OSBP2: variants seen among roughly 807,000 people sequenced by gnomAD.
OSBP2 encodes oxysterol-binding protein 2.
OSBP2 carries 66 observed loss-of-function variants against 96.0 expected under a neutral mutation model. The ratio of observed to expected loss-of-function variants is 0.69; its 90% CI spans 0.56 to 0.84. The LOEUF (loss-of-function observed/expected upper bound fraction) is 0.84, where lower values mean the gene tolerates loss of function less well. Ranked by LOEUF, OSBP2 falls within the 40% of genes least tolerant of loss-of-function variation. The pLI, the probability that OSBP2 is intolerant of heterozygous loss-of-function variation, is 0.00. For synonymous variants in OSBP2, 525 were observed against 520.9 expected, an observed-to-expected ratio of 1.01 and a Z score of -0.11; for missense variants, 1,038 against 1,222.7, an observed-to-expected ratio of 0.85 and a Z score of 2.25.
At chr22:30,815,455 G>A (rs576643514) in intron 2 of OSBP2, among the ~76,000 whole-genome samples, 24 of 152,262 alleles carry the variant, frequency 1.6e-4, no homozygotes, top group African/African-American at 5.1e-4. Context: ...AAAGGGTTTC[G>A]CATAATAATT....
At chr22:30,852,661 A>G (rs560659345) in intron 2 of OSBP2, among the ~76,000 whole-genome samples, 1 of 151,888 alleles carries the variant, frequency 6.6e-6, no homozygotes, top group East Asian at 1.9e-4. Context: ...TCTCTATTTT[A>G]TTCTACTCAC....
chr22:30,789,433 C>A (rs1356511151), intron 2 of OSBP2, among the ~76,000 whole-genome samples: 1 of 152,184 alleles, frequency 6.6e-6, no homozygotes, highest in Non-Finnish European at 1.5e-5. Flanking sequence ...GGGCTCCGGT[C>A]TGCTTTCTCT....
intron 2 of OSBP2, among the ~76,000 whole-genome samples, chr22:30,759,263 G>A (rs1053924217): frequency 6.6e-6 from 1 of 152,104 alleles, no homozygotes; most frequent in Non-Finnish European, 1.5e-5. Flanking sequence ...CAGGAGAATC[G>A]CTTGAGCCTG....
At chr22:30,889,982 G>A (rs1189650759) in intron 7 of OSBP2, among the ~76,000 whole-genome samples, 1 of 152,102 alleles carries the variant, frequency 6.6e-6, no homozygotes, top group Admixed American at 6.5e-5. Context: ...TGTGTGGAGG[G>A]GTGGGCCCTC....
intron 8 of OSBP2, 51 bp downstream of exon 8, chr22:30,891,024 G>A (rs1405261724): frequency 3.5e-5 from 55 of 1,573,758 alleles, no homozygotes; most frequent in Non-Finnish European, 4.6e-5. Context: ...CTCTGGCCAA[G>A]CTGTTCCTGC....
rs555789581 is a variant in OSBP2 at position 30,721,715 on chromosome 22, A to G, written c.645-19446A>G. On this transcript the variant is annotated intron_variant, in intron 1 of 13. Transcript: ENST00000332585. Reference sequence around the variant, plus strand: ...GAAGCAAAATTCCTGAATAAATTGTATGTCTCACCATCAGATCTGTAAACT... The same window carrying G: ...GAAGCAAAATTCCTGAATAAATTGTGTGTCTCACCATCAGATCTGTAAACT... Among the ~76,000 whole-genome samples, 67 of 152,292 alleles carry G rather than the reference A, an allele frequency of 4.4e-4. 1 individual carries two copies. Among genetic ancestry groups the G allele is most frequent in the African/African-American group, 1.6e-3 (66 of 41,566 alleles).
intron 2 of OSBP2, among the ~76,000 whole-genome samples, chr22:30,769,075 G>A (rs1871210556): frequency 6.6e-6 from 1 of 152,262 alleles, no homozygotes; most frequent in Non-Finnish European, 1.5e-5. Flanking sequence ...TCATGGAAAG[G>A]TTGAGGCTGA....
At chr22:30,759,522 A>G (rs2090181957) in intron 2 of OSBP2, among the ~76,000 whole-genome samples, 1 of 152,206 alleles carries the variant, frequency 6.6e-6, no homozygotes, top group African/African-American at 2.4e-5. Context: ...CAAACATAAA[A>G]GGACAATACT....
chr22:30,804,889 CAA>C (rs2090905845), intron 2 of OSBP2, among the ~76,000 whole-genome samples: 3 of 152,150 alleles, frequency 2.0e-5, no homozygotes, highest in African/African-American at 7.2e-5. Flanking sequence ...AATGGCAGGG[CAA>C]CTAAGCAGTA....
At chr22:30,747,123 C>G (rs136350) in intron 2 of OSBP2, among the ~76,000 whole-genome samples, 9,075 of 152,250 alleles carry the variant, frequency 0.06, 285 homozygotes, top group Middle Eastern at 0.092. Context: ...ATTCAACACC[C>G]TTTCATGATG....
intron 1 of OSBP2, among the ~76,000 whole-genome samples, chr22:30,729,629 T>C (rs2089712615): frequency 6.6e-6 from 1 of 151,892 alleles, no homozygotes; most frequent in Non-Finnish European, 1.5e-5. Context: ...CAGAGAGAGA[T>C]TCTATCTCAA....
At chr22:30,730,060 T>G (rs920515761) in intron 1 of OSBP2, among the ~76,000 whole-genome samples, 4 of 152,040 alleles carry the variant, frequency 2.6e-5, no homozygotes, top group Non-Finnish European at 5.9e-5. Context: ...CCTCCCAGGT[T>G]CAAGCGATTC....
rs56875088 is a variant in OSBP2, at chr22:30,856,373, CTTTTTTT to C, written c.854-14032_854-14026del. 2.9e-3 allele frequency among the ~76,000 whole-genome samples: 299 copies of C among 101,404 alleles called. 1 individual carries two copies. The highest frequency in any genetic ancestry group is 0.011 in the Middle Eastern group (2 of 178). 66.5% of individuals were successfully genotyped at this position (101,404 alleles called of 152,430 possible). A position where few individuals can be genotyped will look rare whatever the true frequency, so the allele number is the denominator to read the frequency against. On this transcript the variant is annotated intron_variant, in intron 2 of 13. Transcript: ENST00000332585. The stretch of plus-strand genomic sequence containing the variant: ...CTTGGCAGTTGGAAACAGAGCCCTT[CTTTTTTT>C]TTTTTTTTTTTTTTTTTTTTTTTGG...
chr22:30,884,947 G>A (rs998231427), intron 3 of OSBP2, among the ~76,000 whole-genome samples: 15 of 152,252 alleles, frequency 9.9e-5, no homozygotes, highest in African/African-American at 3.6e-4. Context: ...GGGGCAGGCC[G>A]TTGCCTGGGA....
At chr22:30,842,023 G>A (rs1335649191) in intron 2 of OSBP2, among the ~76,000 whole-genome samples, 1 of 151,934 alleles carries the variant, frequency 6.6e-6, no homozygotes. Context: ...ACAGCTCACT[G>A]GAGCCTTCAC....
intron 3 of OSBP2, among the ~76,000 whole-genome samples, chr22:30,875,791 CT>C (rs2039565997): frequency 6.6e-6 from 1 of 152,256 alleles, no homozygotes. Flanking sequence ...CAACCCCTCT[CT>C]CATCACACAG....
chr22:30,842,863 T>C (rs2038782859), intron 2 of OSBP2, among the ~76,000 whole-genome samples: 1 of 152,180 alleles, frequency 6.6e-6, no homozygotes, highest in East Asian at 1.9e-4. Context: ...CACTGCAACC[T>C]CCATCTCCTG....
At chr22:30,829,532 G>T (rs1362671956) in intron 2 of OSBP2, among the ~76,000 whole-genome samples, 1 of 152,138 alleles carries the variant, frequency 6.6e-6, no homozygotes, top group Admixed American at 6.5e-5. Flanking sequence ...AACTCAAATG[G>T]TCTGCCTGCC....
intron 2 of OSBP2, among the ~76,000 whole-genome samples, chr22:30,767,217 G>A (rs1419107289): frequency 6.6e-6 from 1 of 151,448 alleles, no homozygotes; most frequent in Non-Finnish European, 1.5e-5. Context: ...GGCTGAGCCA[G>A]GAGAATTGCT....
Sources: allele counts gnomAD v4.1 joint callset (sites outside exome capture counted in the v4.1 genomes callset), GRCh38; gene constraint gnomAD v4.1.1; transcripts MANE v1.5; gene names NCBI Gene and HGNC (gene_info 2026-07-23, HGNC 2026-07-21).